SESN1: variants seen among roughly 807,000 people sequenced by gnomAD.
The protein encoded by SESN1 is sestrin-1.
A neutral mutation model predicts 59.3 loss-of-function variants in SESN1; 30 were observed. The ratio of observed to expected loss-of-function variants is 0.51; its 90% CI spans 0.38 to 0.69. SESN1 has a LOEUF of 0.69. Ranked by LOEUF, SESN1 falls within the 30% of genes least tolerant of loss-of-function variation. The pLI, the probability that SESN1 is intolerant of heterozygous loss-of-function variation, is 0.00. For missense variants in SESN1, 566 were observed against 673.0 expected (o/e 0.84, Z 1.76); for synonymous variants, 197 against 219.9 (o/e 0.90, Z 0.92).
chr6:109,042,113 G>C (rs1562466554), intron 1 of SESN1, among the ~76,000 whole-genome samples: 1 of 152,102 alleles, frequency 6.6e-6, no homozygotes, highest in Non-Finnish European at 1.5e-5. Context: ...ATTCATGAGT[G>C]AAAGAGGAGG....
At chr6:109,035,886 A>G (rs1019057924) in intron 1 of SESN1, among the ~76,000 whole-genome samples, 1 of 152,148 alleles carries the variant, frequency 6.6e-6, no homozygotes, top group Admixed American at 6.5e-5. Flanking sequence ...GGGATTACAG[A>G]CGTGACCACT....
intron 1 of SESN1, among the ~76,000 whole-genome samples, chr6:109,046,772 G>A (rs12332947): frequency 0.025 from 3,484 of 137,220 alleles, 228 homozygotes; most frequent in African/African-American, 0.088. Flanking sequence ...CTGCCCGGCC[G>A]AGACCCCGTC....
At chr6:108,994,425 G>A (rs1369100696) in intron 6 of SESN1, 37 bp downstream of exon 6, 1 of 1,525,906 alleles carries the variant, frequency 6.6e-7, no homozygotes, top group Non-Finnish European at 8.9e-7. Context: ...AGTTGAGTTT[G>A]CAATAATTAT....
In SESN1 at chr6:109,011,740, C is replaced by T. The variant is rs372433139; in HGVS notation, c.280-9397G>A. Among the ~76,000 whole-genome samples the T allele has an allele frequency of 3.9e-5, 6 of 151,928 alleles. 1 individual carries two copies. In the East Asian group the frequency reaches 1.2e-3, roughly 30 times the overall value. ...ACCTCCAGGGCTCAAGTGATCCTCC[C>T]ACCTCAGCCTCCTGAGTAGCTGGCA... On this transcript the variant is annotated intron_variant, in intron 1 of 9. Transcript: ENST00000436639.
intron 7 of SESN1, 137 bp from the exon 8 acceptor site, chr6:108,990,972 C>T (rs1437424011): frequency 1.5e-6 from 1 of 649,962 alleles, no homozygotes; most frequent in Non-Finnish European, 2.6e-6. Context: ...CCCAGCTTCA[C>T]TTACACTCCA....
At chr6:108,990,985 C>T in intron 7 of SESN1, 150 bp from the exon 8 acceptor site, 1 of 614,156 alleles carries the variant, frequency 1.6e-6, no homozygotes. Context: ...ACACTCCAAT[C>T]TTTTTTTCAA....
chr6:108,987,727 C>A, intron 9 of SESN1, 97 bp from the exon 10 acceptor site: 1 of 664,746 alleles, frequency 1.5e-6, no homozygotes, highest in Admixed American at 2.2e-5. Flanking sequence ...AGTACACTTC[C>A]TACACTTCCT....
At chr6:109,093,662 G>A in intron 1 of SESN1, 133 bp downstream of exon 1, 1 of 882,664 alleles carries the variant, frequency 1.1e-6, no homozygotes, top group Non-Finnish European at 1.7e-6. Flanking sequence ...TTTACTTACA[G>A]AACACTCTAA....
intron 1 of SESN1, chr6:109,009,702 C>A: frequency 3.0e-6 from 1 of 337,052 alleles, no homozygotes; most frequent in South Asian, 1.2e-4. Flanking sequence ...AACTGGCGGT[C>A]TGACGCGGCG....
intron 6 of SESN1, 24 bp downstream of exon 6, chr6:108,994,438 T>G: frequency 1.9e-6 from 3 of 1,554,438 alleles, no homozygotes; most frequent in Non-Finnish European, 2.6e-6. Context: ...ATAATTATAT[T>G]GACTATATAA....
chr6:109,078,274 T>C lies in SESN1; in HGVS notation c.279+15521A>G, dbSNP rs1207972723. ...GTGTGCATCTGTAGTCCCAGCTACT[T>C]AAGAGGCTGAGGTGGGAGGATCACT... On this transcript the variant is annotated intron_variant, in intron 1 of 9. Transcript: ENST00000436639. 2.0e-5 allele frequency among the ~76,000 whole-genome samples: 3 copies of C among 152,174 alleles called. No homozygotes were observed. The East Asian group carries it at 5.8e-4, about 29-fold the overall frequency.
chr6:109,009,067 CT>C, intron 1 of SESN1: 1 of 923,242 alleles, frequency 1.1e-6, no homozygotes, highest in Non-Finnish European at 1.4e-6. Context: ...GTATTGGAGA[CT>C]TTCATTTACA....
intron 1 of SESN1, chr6:109,009,393 C>CAGCA (rs1779809630): frequency 6.8e-7 from 1 of 1,462,088 alleles, no homozygotes; most frequent in Non-Finnish European, 9.0e-7. Context: ...GCACTGCTTG[C>CAGCA]AGCCCAGCAG....
rs200679328 is a variant in SESN1, at chr6:109,093,937, G to C, written c.137C>G (p.Pro46Arg). 326 of 1,614,048 alleles carry C rather than the reference G, an allele frequency of 2.0e-4. No homozygotes were observed. The highest frequency in any genetic ancestry group is 2.5e-6 in the Non-Finnish European group (3 of 1,180,046). The part of the protein sequence containing the change: ...TEYLRSVKET[P>R]HRPSDGLSNT... ...TGAAAGCCCGTCTGATGGACGATGAGGTGTTTCTTTCACCGAACGAAGATA... is the reference window on the plus strand; with the variant it reads ...TGAAAGCCCGTCTGATGGACGATGACGTGTTTCTTTCACCGAACGAAGATA... The change falls in exon 1 of 10, where the codon CCT becomes CGT. Residue 46 changes from proline to arginine, a missense_variant. Transcript: ENST00000436639.
rs10688675 is a variant in SESN1 at position 109,038,911 on chromosome 6, A to AAGGAGG, written c.280-36574_280-36569dup. 6.4e-3 allele frequency among the ~76,000 whole-genome samples: 965 copies of AAGGAGG among 149,890 alleles called. 12 individuals are homozygous for AAGGAGG. The highest frequency in any genetic ancestry group is 0.023 in the African/African-American group (900 of 39,920). On this transcript the variant is annotated intron_variant, in intron 1 of 9. Transcript: ENST00000436639. ...AAAGAAGAAGGAAGGAGAAAAAAGG[A>AAGGAGG]AGGAGGAGGAGGAGGAGAAGAAAAG...
At chr6:109,043,333 C>G (rs1361945899) in intron 1 of SESN1, among the ~76,000 whole-genome samples, 3 of 151,998 alleles carry the variant, frequency 2.0e-5, no homozygotes, top group African/African-American at 7.2e-5. Context: ...CCTGGAAGTT[C>G]TAGTCAGGGC....
At chr6:109,067,397 T>C (rs1003876643) in intron 1 of SESN1, among the ~76,000 whole-genome samples, 2 of 152,182 alleles carry the variant, frequency 1.3e-5, no homozygotes, top group African/African-American at 4.8e-5. Context: ...TTATGGACAT[T>C]TTGGAGGTAA....
At chr6:109,091,620 C>T (rs941265993) in intron 1 of SESN1, among the ~76,000 whole-genome samples, 2 of 152,188 alleles carry the variant, frequency 1.3e-5, no homozygotes, top group Non-Finnish European at 2.9e-5. Context: ...AATATTTATT[C>T]ATTTATCATG....
intron 1 of SESN1, among the ~76,000 whole-genome samples, chr6:109,019,458 T>C (rs1779975661): frequency 6.6e-6 from 1 of 152,232 alleles, no homozygotes; most frequent in Non-Finnish European, 1.5e-5. Flanking sequence ...ACAGTTCATG[T>C]TTCTCTACTG....
Sources: allele counts gnomAD v4.1 joint callset (sites outside exome capture counted in the v4.1 genomes callset), GRCh38; gene constraint gnomAD v4.1.1; transcripts MANE v1.5; gene names NCBI Gene and HGNC (gene_info 2026-07-23, HGNC 2026-07-21).